IQCM: variants seen among roughly 807,000 people sequenced by gnomAD.
IQCM encodes IQ domain-containing protein M.
In IQCM, 45 loss-of-function variants were observed where a neutral mutation model predicts 57.6. That is an observed-to-expected ratio of 0.78 (90% CI 0.62 to 1.00). IQCM has a LOEUF of 1.00. IQCM is among the 50% of genes least tolerant of loss of function. The pLI, the probability that IQCM is intolerant of heterozygous loss-of-function variation, is 0.00. For synonymous variants in IQCM, 148 were observed against 158.9 expected (o/e 0.93, Z 0.51); for missense variants, 468 against 511.6 (o/e 0.91, Z 0.82).
chr4:149,571,093 T>G (rs1751112526), intron 9 of IQCM, among the ~76,000 whole-genome samples: 1 of 151,978 alleles, frequency 6.6e-6, no homozygotes, highest in Non-Finnish European at 1.5e-5. Flanking sequence ...CAGAGGTTCC[T>G]CAAAAAATTA....
At position 149,481,701 on chromosome 4, in the gene IQCM, G is replaced by GTT. The variant is rs57465501; in HGVS notation, c.1229-48146_1229-48145dup. ...CATGTAATGTGATTCTTCCAGTTTTGTTTTTTTTTTTTTTTTTTTTTGCTT... is the reference window on the plus strand; with the variant it reads ...CATGTAATGTGATTCTTCCAGTTTTGTTTTTTTTTTTTTTTTTTTTTTTGCTT... On this transcript the variant is annotated intron_variant, in intron 12 of 13. Transcript: ENST00000636793. 1.0e-3 allele frequency among the ~76,000 whole-genome samples: 52 copies of GTT among 51,580 alleles called. 1 individual carries two copies. The highest frequency in any genetic ancestry group is 3.8e-3 in the African/African-American group (50 of 13,230). 33.8% of individuals were successfully genotyped at this position (51,580 alleles called of 152,430 possible). A position where few individuals can be genotyped will look rare whatever the true frequency, so the allele number is the denominator to read the frequency against.
At chr4:149,621,621 CTG>C (rs1329960920) in intron 7 of IQCM, among the ~76,000 whole-genome samples, 1 of 152,110 alleles carries the variant, frequency 6.6e-6, no homozygotes, top group Non-Finnish European at 1.5e-5. Flanking sequence ...GAAAACCTCT[CTG>C]TGTTACATAC....
intron 2 of IQCM, among the ~76,000 whole-genome samples, chr4:149,752,367 C>A (rs1181151507): frequency 6.6e-6 from 1 of 151,994 alleles, no homozygotes; most frequent in Admixed American, 6.6e-5. Context: ...GCCTGGCCAA[C>A]ATGGTGAAAC....
intron 2 of IQCM, among the ~76,000 whole-genome samples, chr4:149,764,269 G>T (rs2149971382): frequency 6.6e-6 from 1 of 152,272 alleles, no homozygotes; most frequent in African/African-American, 2.4e-5. Context: ...CCAAAGAAAT[G>T]CAATTGTCTT....
intron 2 of IQCM, among the ~76,000 whole-genome samples, chr4:149,806,049 C>T (rs920567903): frequency 8.6e-5 from 13 of 151,638 alleles, no homozygotes; most frequent in African/African-American, 3.1e-4. Flanking sequence ...ACATTCACAT[C>T]CAAAATGAGC....
chr4:149,632,335 C>T (rs962794467), intron 7 of IQCM, among the ~76,000 whole-genome samples: 2 of 152,146 alleles, frequency 1.3e-5, no homozygotes, highest in African/African-American at 4.8e-5. Context: ...ACCTACAAAA[C>T]GTATGGTCAT....
chr4:149,488,402 T>G, intron 12 of IQCM, among the ~76,000 whole-genome samples: 1 of 152,216 alleles, frequency 6.6e-6, no homozygotes, highest in South Asian at 2.1e-4. Context: ...TACTGTTCAC[T>G]TTCCAAAAAT....
intron 12 of IQCM, among the ~76,000 whole-genome samples, chr4:149,489,525 G>A (rs1741865672): frequency 6.6e-6 from 1 of 151,850 alleles, no homozygotes; most frequent in Admixed American, 6.6e-5. Flanking sequence ...TCCAGAATGA[G>A]GCCTGTGGGA....
At chr4:149,610,331 A>G (rs1160601212) in intron 8 of IQCM, among the ~76,000 whole-genome samples, 2 of 151,942 alleles carry the variant, frequency 1.3e-5, no homozygotes, top group Non-Finnish European at 2.9e-5. Context: ...AGTGTAAAAC[A>G]TATCAAAATA....
intron 13 of IQCM, among the ~76,000 whole-genome samples, chr4:149,389,028 C>T (rs1560795565): frequency 1.3e-4 from 20 of 151,256 alleles, no homozygotes. Context: ...TTTATTTGTG[C>T]TTTTTTTGTC....
At chr4:149,572,912 T>G (rs1421004294) in intron 9 of IQCM, among the ~76,000 whole-genome samples, 1 of 151,976 alleles carries the variant, frequency 6.6e-6, no homozygotes, top group Non-Finnish European at 1.5e-5. Context: ...CGTAATCTAC[T>G]TGGAAAACAG....
chr4:149,711,093 T>C (rs1336219381), intron 5 of IQCM: 1 of 152,154 alleles, frequency 6.6e-6, no homozygotes, highest in Non-Finnish European at 1.5e-5. Context: ...GCACTTTAAA[T>C]GCCACCTTTC....
chr4:149,704,660 C>T (rs1036943214), intron 5 of IQCM, among the ~76,000 whole-genome samples: 3 of 151,708 alleles, frequency 2.0e-5, no homozygotes, highest in African/African-American at 7.3e-5. Context: ...GCCAAGAATG[C>T]CAACAAAGTT....
At chr4:149,410,182 AAAACAAACAAAC>A (rs533165074) in intron 13 of IQCM, among the ~76,000 whole-genome samples, 6 of 152,146 alleles carry the variant, frequency 3.9e-5, no homozygotes, top group Admixed American at 2.0e-4. Context: ...GGCTCCATTT[AAAACAAACAAAC>A]AAACAAACAA....
At chr4:149,655,803 TAACTA>T (rs1010377743) in intron 7 of IQCM, among the ~76,000 whole-genome samples, 2 of 152,154 alleles carry the variant, frequency 1.3e-5, no homozygotes, top group Non-Finnish European at 2.9e-5. Context: ...CTTTAGTTCA[TAACTA>T]AACTAAACTG....
chr4:149,645,311 T>C (rs1375113099), intron 7 of IQCM, among the ~76,000 whole-genome samples: 1 of 152,226 alleles, frequency 6.6e-6, no homozygotes, highest in African/African-American at 2.4e-5. Context: ...TTAATTGATG[T>C]TGTGATTATG....
intron 12 of IQCM, among the ~76,000 whole-genome samples, chr4:149,535,029 G>A (rs1747145172): frequency 6.6e-6 from 1 of 152,022 alleles, no homozygotes; most frequent in Non-Finnish European, 1.5e-5. Context: ...GCCTTATTGA[G>A]CAATGCATAA....
chr4:149,788,023 T>C (rs528878661), intron 2 of IQCM, among the ~76,000 whole-genome samples: 4 of 152,202 alleles, frequency 2.6e-5, no homozygotes, highest in African/African-American at 9.6e-5. Flanking sequence ...AGGACGTGAA[T>C]AGACATTTTT....
At chr4:149,362,923 T>C (rs1005607189) in intron 13 of IQCM, among the ~76,000 whole-genome samples, 2 of 152,186 alleles carry the variant, frequency 1.3e-5, no homozygotes, top group African/African-American at 4.8e-5. Context: ...AATAAGATAA[T>C]GGCAGTTGGT....
Sources: allele counts gnomAD v4.1 joint callset (sites outside exome capture counted in the v4.1 genomes callset), GRCh38; gene constraint gnomAD v4.1.1; transcripts MANE v1.5; gene names NCBI Gene and HGNC (gene_info 2026-07-23, HGNC 2026-07-21).